Variants in KIAA1328 observed in about 807,000 individuals in gnomAD.
KIAA1328 encodes the protein KIAA1328.
In KIAA1328, 52 loss-of-function variants were observed where a neutral mutation model predicts 68.1. The observed-to-expected ratio is 0.76, with a 90% CI of 0.61 to 0.96. KIAA1328 has a LOEUF of 0.96. Ranked by LOEUF, KIAA1328 falls within the 40% of genes least tolerant of loss-of-function variation. The probability of loss-of-function intolerance (pLI) is 0.00; values close to 1 mark genes in which losing one functional copy is unlikely to be tolerated. For missense variants in KIAA1328, 641 were observed against 677.6 expected (o/e 0.95, Z 0.60); for synonymous variants, 232 against 239.4 (o/e 0.97, Z 0.28).
chr18:37,039,499 T>A (rs184428), intron 6 of KIAA1328, among the ~76,000 whole-genome samples: 4 of 151,672 alleles, frequency 2.6e-5, no homozygotes, highest in Admixed American at 6.6e-5. Flanking sequence ...TGCACCCTCC[T>A]CATCCCAGGT....
At chr18:36,977,434 T>G (rs1290397842) in intron 6 of KIAA1328, among the ~76,000 whole-genome samples, 1 of 152,224 alleles carries the variant, frequency 6.6e-6, no homozygotes, top group Non-Finnish European at 1.5e-5. Context: ...TTAAGCATTT[T>G]GCTCTGCTTT....
chr18:37,073,729 A>G (rs1008636094), intron 7 of KIAA1328, among the ~76,000 whole-genome samples: 1 of 152,018 alleles, frequency 6.6e-6, no homozygotes, highest in Non-Finnish European at 1.5e-5. Context: ...GTTCTTCTTT[A>G]TGTCTTCTCT....
chr18:36,989,489 C>T (rs1476104544), intron 6 of KIAA1328, among the ~76,000 whole-genome samples: 2 of 152,144 alleles, frequency 1.3e-5, no homozygotes, highest in East Asian at 1.9e-4. Flanking sequence ...ACAGAAGCTC[C>T]GATTCTAATT....
At chr18:37,116,706 C>T (rs571712977) in intron 7 of KIAA1328, among the ~76,000 whole-genome samples, 1 of 152,226 alleles carries the variant, frequency 6.6e-6, no homozygotes, top group Non-Finnish European at 1.5e-5. Flanking sequence ...AAAGAAACTA[C>T]CATCAGAGTG....
At position 36,918,317 on chromosome 18, in the gene KIAA1328, C is replaced by G. The variant is rs531758626; in HGVS notation, c.448+32645C>G. Among the ~76,000 whole-genome samples, 8 of 151,352 alleles carry G rather than the reference C, an allele frequency of 5.3e-5. No individual in the cohort carries two copies. In the East Asian group the frequency reaches 1.4e-3, roughly 26 times the overall value. On this transcript the variant is annotated intron_variant, in intron 5 of 9. Coordinates refer to ENST00000280020, the MANE Select transcript of KIAA1328 (RefSeq NM_020776.3). ...GTTTTTTATTTTCTTGATATCTGCTCTAGTATTTATTTCCTTCCTTCCATT... is the reference window on the plus strand; with the variant it reads ...GTTTTTTATTTTCTTGATATCTGCTGTAGTATTTATTTCCTTCCTTCCATT...
Position 37,067,533 on chromosome 18 carries a change from T to C in KIAA1328, c.1220T>C (p.Leu407Pro). 5.2e-6 allele frequency: 8 copies of C among 1,527,950 alleles called. No individual in the cohort carries two copies. The highest frequency in any genetic ancestry group is 7.0e-6 in the Non-Finnish European group (8 of 1,142,342). 94.6% of individuals were successfully genotyped at this position (1,527,950 alleles called of 1,614,324 possible). Reference sequence around the variant, plus strand: ...CAGCAGCAGCTTCACCAGTCTCGACTGGATTACAATTGGTGAGTACTGCCT... The same window carrying C: ...CAGCAGCAGCTTCACCAGTCTCGACCGGATTACAATTGGTGAGTACTGCCT... ...LKQQQLHQSR[L>P]DYNCLLKSNC... The change falls in exon 7 of 10, where the codon CTG becomes CCG. Residue 407 changes from leucine to proline, a missense_variant. Transcript: ENST00000280020.
At chr18:36,842,100 A>G (rs1207725972) in intron 3 of KIAA1328, among the ~76,000 whole-genome samples, 1 of 152,236 alleles carries the variant, frequency 6.6e-6, no homozygotes, top group Non-Finnish European at 1.5e-5. Flanking sequence ...AGGGAACATT[A>G]AAGTATCATG....
At chr18:37,137,422 A>G (rs890800315) in intron 7 of KIAA1328, among the ~76,000 whole-genome samples, 1 of 151,926 alleles carries the variant, frequency 6.6e-6, no homozygotes, top group African/African-American at 2.4e-5. Context: ...TTTTTTCCAT[A>G]TTTCTTGAGA....
intron 7 of KIAA1328, chr18:37,075,269 G>C (rs2056680651): frequency 6.6e-6 from 1 of 152,106 alleles, no homozygotes. Flanking sequence ...ATCCTTTACA[G>C]ACAAGCAAAT....
At chr18:36,928,739 T>G in intron 5 of KIAA1328, among the ~76,000 whole-genome samples, 1 of 152,236 alleles carries the variant, frequency 6.6e-6, no homozygotes, top group African/African-American at 2.4e-5. Context: ...TTTATCCTGC[T>G]TGAAGTTCTT....
At chr18:36,843,653 T>C (rs1718474215) in intron 3 of KIAA1328, among the ~76,000 whole-genome samples, 1 of 152,188 alleles carries the variant, frequency 6.6e-6, no homozygotes, top group South Asian at 2.1e-4. Context: ...TAGTAACTAT[T>C]AATACTTAAT....
intron 7 of KIAA1328, among the ~76,000 whole-genome samples, chr18:37,158,221 T>C (rs530861749): frequency 5.9e-5 from 9 of 152,222 alleles, no homozygotes; most frequent in African/African-American, 1.9e-4. Context: ...TTTTTTTCTT[T>C]AGTGATGGGG....
chr18:36,860,527 A>C (rs958904649), intron 4 of KIAA1328, among the ~76,000 whole-genome samples: 3 of 152,138 alleles, frequency 2.0e-5, no homozygotes, highest in African/African-American at 7.2e-5. Flanking sequence ...GACTAATCAC[A>C]GTCGTTGAAT....
At chr18:37,105,027 C>A (rs901678635) in intron 7 of KIAA1328, among the ~76,000 whole-genome samples, 2 of 152,160 alleles carry the variant, frequency 1.3e-5, no homozygotes, top group Non-Finnish European at 2.9e-5. Context: ...CAATTTGTAA[C>A]CCACAACTAA....
intron 5 of KIAA1328, among the ~76,000 whole-genome samples, chr18:36,900,467 G>C (rs752454470): frequency 6.6e-6 from 1 of 151,864 alleles, no homozygotes; most frequent in Non-Finnish European, 1.5e-5. Flanking sequence ...GCAGTAATGA[G>C]TTCTAAACAT....
rs1381638511 is a variant in KIAA1328 at position 36,835,336 on chromosome 18, T to C, written c.197T>C (p.Met66Thr). The change falls in exon 3 of 10, where the codon ATG becomes ACG. Residue 66 changes from methionine (M) to threonine (T), a missense_variant. Transcript: ENST00000280020. ...AGGGTGACTGATGCTTCAATCTCCA[T>C]GGAGTCCTTAAAAGGCACAGGAGAT... ...TSRVTDASIS[M>T]ESLKGTGDSV... 1.2e-6 allele frequency: 2 copies of C among 1,613,746 alleles called. No individual in the cohort carries two copies. The highest frequency in any genetic ancestry group is 1.7e-6 in the Non-Finnish European group (2 of 1,179,742).
chr18:37,108,470 C>T (rs376227861), intron 7 of KIAA1328, among the ~76,000 whole-genome samples: 2 of 152,140 alleles, frequency 1.3e-5, no homozygotes, highest in South Asian at 2.1e-4. Flanking sequence ...GCAATATTCC[C>T]GTGTAACAAA....
chr18:37,226,713 C>G (rs1427972402), downstream of KIAA1328, among the ~76,000 whole-genome samples: 1 of 125,686 alleles, frequency 8.0e-6, no homozygotes, highest in African/African-American at 3.7e-5. Flanking sequence ...TTGGGTTGTT[C>G]CCTTTTTTTT....
At chr18:36,982,414 A>C (rs781072351) in intron 6 of KIAA1328, among the ~76,000 whole-genome samples, 3 of 151,738 alleles carry the variant, frequency 2.0e-5, no homozygotes, top group Non-Finnish European at 4.4e-5. Flanking sequence ...TACATGTTGC[A>C]TACAATGGAA....
Sources: allele counts gnomAD v4.1 joint callset (sites outside exome capture counted in the v4.1 genomes callset), GRCh38; gene constraint gnomAD v4.1.1; transcripts MANE v1.5; gene names NCBI Gene and HGNC (gene_info 2026-07-23, HGNC 2026-07-21).